The following SPON1 variants were observed in gnomAD, a reference collection of about 807,000 sequenced individuals.
SPON1 encodes spondin-1.
Under a neutral mutation model 111.7 loss-of-function variants are expected in SPON1, and 52 were observed. The ratio of observed to expected loss-of-function variants is 0.47; its 90% CI spans 0.37 to 0.59. SPON1 has a LOEUF of 0.59. Among genes scored for constraint, SPON1 ranks in the 20% least tolerant of loss-of-function variants. SPON1 has a pLI of 0.00. For synonymous variants in SPON1, 410 were observed against 395.8 expected, an observed-to-expected ratio of 1.04 and a Z score of -0.43; for missense variants, 957 against 1,068.5, an observed-to-expected ratio of 0.90 and a Z score of 1.46.
In SPON1 at chr11:14,135,123, A is replaced by AG. The variant is rs1847575550; in HGVS notation, c.677-296dup. On this transcript the variant is annotated intron_variant, in intron 5 of 15. Coordinates refer to ENST00000576479, the MANE Select transcript of SPON1 (RefSeq NM_006108.4). The surrounding 1 kb of genome is among the most constrained non-coding windows in gnomAD (Gnocchi z 4.4). Reference sequence around the variant, plus strand: ...TCTATTTTGCCTTACAAATATGATCAGCCTTTAACGTTCTCTCAACTATCC... The same window carrying AG: ...TCTATTTTGCCTTACAAATATGATCAGGCCTTTAACGTTCTCTCAACTATCC... The AG allele has an allele frequency of 1.2e-5, 3 of 241,618 alleles. No individual in the cohort carries two copies. In the East Asian group the frequency reaches 2.3e-4, roughly 19 times the overall value. 15.0% of individuals were successfully genotyped at this position (241,618 alleles called of 1,614,324 possible). A position where few individuals can be genotyped will look rare whatever the true frequency, so the allele number is the denominator to read the frequency against.
rs559171875 is a variant in SPON1, at chr11:14,266,044, CCAGGGTGCGG to C, written c.*362_*371del. ...GTCTGGAAGTGACTATGCCTGAGTC[CCAGGGTGCGG>C]CAGGTAGGAAACATTCACAGATGAA... On this transcript the variant is annotated 3_prime_UTR_variant, in exon 16 of 16. Coordinates refer to ENST00000576479, the MANE Select transcript of SPON1 (RefSeq NM_006108.4). 78 of 190,848 alleles carry C rather than the reference CCAGGGTGCGG, an allele frequency of 4.1e-4. No homozygotes were observed. In the Middle Eastern group the frequency reaches 7.0e-3, roughly 17 times the overall value. The allele number at this position is 190,848 out of a possible 1,614,324, so 11.8% of individuals were successfully genotyped here.
chr11:14,252,112 A>T (rs1239584506), intron 7 of SPON1, among the ~76,000 whole-genome samples: 2 of 152,358 alleles, frequency 1.3e-5, no homozygotes, highest in East Asian at 3.9e-4. Context: ...AAGTCATCAT[A>T]CGCATATTTG....
intron 13 of SPON1, among the ~76,000 whole-genome samples, 184 bp from the exon 14 acceptor site, chr11:14,260,404 A>G (rs555074525): frequency 6.6e-6 from 1 of 152,290 alleles, no homozygotes; most frequent in Admixed American, 6.5e-5. Flanking sequence ...AGTGAAAAGA[A>G]GAGCAGTAGG....
chr11:14,119,081 A>G (rs1849285663), intron 5 of SPON1, among the ~76,000 whole-genome samples: 1 of 152,162 alleles, frequency 6.6e-6, no homozygotes, highest in Admixed American at 6.5e-5. Flanking sequence ...TACCTATATT[A>G]TGCTTATGGA....
At chr11:14,218,259 C>T (rs1554937295) in intron 6 of SPON1, among the ~76,000 whole-genome samples, 1 of 152,164 alleles carries the variant, frequency 6.6e-6, no homozygotes, top group Non-Finnish European at 1.5e-5. Context: ...ACCTCCTTCT[C>T]CCTCCCGAGT....
At chr11:14,126,925 C>T (rs1362388400) in intron 5 of SPON1, among the ~76,000 whole-genome samples, 2 of 152,140 alleles carry the variant, frequency 1.3e-5, no homozygotes, top group Non-Finnish European at 1.5e-5. Context: ...GGCCCCAGAT[C>T]AGAGTCCCAT....
chr11:14,255,875 G>T, intron 9 of SPON1, 88 bp downstream of exon 9: 1 of 1,391,832 alleles, frequency 7.2e-7, no homozygotes, highest in Non-Finnish European at 9.7e-7. Flanking sequence ...GAATCATAGA[G>T]TCACTGGCAG....
intron 2 of SPON1, among the ~76,000 whole-genome samples, chr11:13,993,965 G>C (rs891173452): frequency 6.6e-6 from 1 of 152,138 alleles, no homozygotes; most frequent in African/African-American, 2.4e-5. Context: ...AAAACAAAAG[G>C]ATATTTGTCT....
chr11:14,084,259 C>T (rs1353245454), intron 5 of SPON1, among the ~76,000 whole-genome samples: 1 of 151,984 alleles, frequency 6.6e-6, no homozygotes. Flanking sequence ...TTACGTCCCA[C>T]ATGCATTAGG....
intron 5 of SPON1, among the ~76,000 whole-genome samples, chr11:14,087,277 A>T (rs181722708): frequency 8.6e-5 from 13 of 151,870 alleles, no homozygotes; most frequent in African/African-American, 2.9e-4. Context: ...CTGATGTGGG[A>T]TTTTGTGCTT....
At chr11:14,120,695 G>T (rs1849298351) in intron 5 of SPON1, among the ~76,000 whole-genome samples, 1 of 151,956 alleles carries the variant, frequency 6.6e-6, no homozygotes, top group Non-Finnish European at 1.5e-5. Context: ...GCATGTCCTG[G>T]TTTGCTACCA....
At chr11:14,083,861 G>C (rs1262370414) in intron 5 of SPON1, among the ~76,000 whole-genome samples, 1 of 152,206 alleles carries the variant, frequency 6.6e-6, no homozygotes, top group East Asian at 1.9e-4. Context: ...GAAAATGTAG[G>C]CCAAATTCCC....
Position 14,267,288 on chromosome 11 carries a change from AAGAT to A in SPON1, c.*1604_*1607del, listed in dbSNP as rs879975419. ...CCTCCACCTCCATCATTTTCAATAAAAGATAGGGCTTTTGCTCCCTTGTTCTTGG... is the reference window on the plus strand; with the variant it reads ...CCTCCACCTCCATCATTTTCAATAAAAGGGCTTTTGCTCCCTTGTTCTTGG... On this transcript the variant is annotated 3_prime_UTR_variant, in exon 16 of 16. Transcript: ENST00000576479. 4 of 152,224 alleles carry A rather than the reference AAGAT, an allele frequency of 2.6e-5. No homozygotes were observed. Among genetic ancestry groups the A allele is most frequent in the South Asian group, 4.1e-4 (2 of 4,826 alleles). The allele number at this position is 152,224 out of a possible 1,614,324, so 9.4% of individuals were successfully genotyped here. A position where few individuals can be genotyped will look rare whatever the true frequency, so the allele number is the denominator to read the frequency against.
intron 2 of SPON1, among the ~76,000 whole-genome samples, chr11:14,003,232 C>G (rs1251326849): frequency 6.6e-6 from 1 of 152,154 alleles, no homozygotes; most frequent in Non-Finnish European, 1.5e-5. Context: ...GTGCAACACA[C>G]TATCCTGAAG....
At chr11:13,985,074 G>A (rs1554910159) in intron 2 of SPON1, among the ~76,000 whole-genome samples, 1 of 152,198 alleles carries the variant, frequency 6.6e-6, no homozygotes, top group African/African-American at 2.4e-5. Flanking sequence ...CAGACTTACT[G>A]AATCAGAAAC....
intron 2 of SPON1, among the ~76,000 whole-genome samples, chr11:14,034,114 C>T (rs188698115): frequency 5.3e-5 from 8 of 152,192 alleles, no homozygotes; most frequent in Admixed American, 2.0e-4. Flanking sequence ...GAGTTCACAG[C>T]CAGCCTGGGC....
At chr11:14,100,516 T>C (rs1348853811) in intron 5 of SPON1, among the ~76,000 whole-genome samples, 1 of 152,254 alleles carries the variant, frequency 6.6e-6, no homozygotes, top group Non-Finnish European at 1.5e-5. Flanking sequence ...CACGTACTTA[T>C]GTTTATCTCT....
intron 5 of SPON1, among the ~76,000 whole-genome samples, chr11:14,124,835 A>T (rs1296569432): frequency 1.2e-4 from 18 of 152,262 alleles, no homozygotes; most frequent in African/African-American, 4.3e-4. Flanking sequence ...AAATATTATT[A>T]TTGGAGGCCT....
intron 2 of SPON1, among the ~76,000 whole-genome samples, chr11:14,027,698 T>G (rs1005609387): frequency 6.6e-6 from 1 of 152,196 alleles, no homozygotes; most frequent in Non-Finnish European, 1.5e-5. Flanking sequence ...GATAGAGAGA[T>G]GTATGTTTTG....
Sources: allele counts gnomAD v4.1 joint callset (sites outside exome capture counted in the v4.1 genomes callset), GRCh38; gene constraint gnomAD v4.1.1; non-coding constraint Gnocchi (gnomAD v3.1); transcripts MANE v1.5; gene names NCBI Gene and HGNC (gene_info 2026-07-23, HGNC 2026-07-21).